ANO3: variants seen among roughly 807,000 people sequenced by gnomAD.
The protein encoded by ANO3 is anoctamin 3, also known as anoctamin-3.
In ANO3, 99 loss-of-function variants were observed where a neutral mutation model predicts 144.8. That is an observed-to-expected ratio of 0.68 (90% CI 0.58 to 0.81). ANO3 has a LOEUF of 0.81. Ranked by LOEUF, ANO3 falls within the 30% of genes least tolerant of loss-of-function variation. The pLI is 0.00. For synonymous variants in ANO3, 414 were observed against 392.6 expected (o/e 1.05, Z -0.64); for missense variants, 905 against 1,202.2 (o/e 0.75, Z 3.66).
intron 1 of ANO3, among the ~76,000 whole-genome samples, chr11:26,241,802 T>A (rs74720630): frequency 1.4e-3 from 217 of 152,328 alleles, no homozygotes; most frequent in African/African-American, 5.0e-3. Flanking sequence ...GAATCACGTA[T>A]CTGGGGTTAT....
At chr11:26,204,207 A>G (rs1426020268) in intron 1 of ANO3, among the ~76,000 whole-genome samples, 1 of 152,048 alleles carries the variant, frequency 6.6e-6, no homozygotes, top group Non-Finnish European at 1.5e-5. Context: ...AGAACTTGCA[A>G]TTCACACACA....
chr11:26,595,288 G>A (rs1236014805), intron 14 of ANO3, among the ~76,000 whole-genome samples: 2 of 151,976 alleles, frequency 1.3e-5, no homozygotes, highest in Non-Finnish European at 2.9e-5. Context: ...TTACCAGCAT[G>A]CCCAACATTG....
intron 1 of ANO3, among the ~76,000 whole-genome samples, chr11:26,351,149 C>G (rs1200312801): frequency 6.6e-6 from 1 of 152,016 alleles, no homozygotes; most frequent in Non-Finnish European, 1.5e-5. Flanking sequence ...TATTTGTTGT[C>G]TTAATTTTTG....
At chr11:26,244,550 A>G (rs61877705) in intron 1 of ANO3, among the ~76,000 whole-genome samples, 12 of 152,172 alleles carry the variant, frequency 7.9e-5, no homozygotes, top group South Asian at 4.1e-4. Context: ...GAGCAGAAAA[A>G]CCTGAGAACT....
chr11:26,642,724 C>G (rs7106245), intron 22 of ANO3, among the ~76,000 whole-genome samples: 57,399 of 151,866 alleles, frequency 0.38, 11,718 homozygotes, highest in South Asian at 0.49. Context: ...TCACAATAAA[C>G]CTTTGCACAG....
At chr11:26,378,876 A>T (rs1223093009) in intron 1 of ANO3, among the ~76,000 whole-genome samples, 3 of 147,814 alleles carry the variant, frequency 2.0e-5, no homozygotes, top group Admixed American at 2.0e-4. Flanking sequence ...GTATCATTAT[A>T]AGTCTTTAGG....
At chr11:26,521,609 T>A (rs552073471) in intron 6 of ANO3, among the ~76,000 whole-genome samples, 204 of 152,306 alleles carry the variant, frequency 1.3e-3, no homozygotes, top group African/African-American at 4.8e-3. Context: ...AGGTTTATAA[T>A]AGTCTACATT....
At chr11:26,224,893 G>A (rs185739793) in intron 1 of ANO3, among the ~76,000 whole-genome samples, 1 of 152,300 alleles carries the variant, frequency 6.6e-6, no homozygotes, top group East Asian at 1.9e-4. Context: ...CCAAGGCCAT[G>A]TGGGGATCTG....
intron 1 of ANO3, among the ~76,000 whole-genome samples, chr11:26,273,294 G>A (rs781500992): frequency 2.0e-5 from 3 of 147,114 alleles, no homozygotes; most frequent in Non-Finnish European, 4.4e-5. Flanking sequence ...GTTCAGCACC[G>A]AAGGCATCCA....
rs67196052 is a variant in ANO3, at chr11:26,208,512, C to CAAAAAAAAAA, written c.154+19188_154+19197dup. 2.5e-4 allele frequency among the ~76,000 whole-genome samples: 30 copies of CAAAAAAAAAA among 121,706 alleles called. No homozygotes were observed. In the East Asian group the frequency reaches 3.5e-3, roughly 14 times the overall value. 79.8% of individuals were successfully genotyped at this position (121,706 alleles called of 152,430 possible). A position where few individuals can be genotyped will look rare whatever the true frequency, so the allele number is the denominator to read the frequency against. Reference sequence around the variant, plus strand: ...TGGGTGACAGAGCAAGACTCCGTCTCAAAAAAAAAAAAAAAGGAATTGCAG... The same window carrying CAAAAAAAAAA: ...TGGGTGACAGAGCAAGACTCCGTCTCAAAAAAAAAAAAAAAAAAAAAAAAAGGAATTGCAG... On this transcript the variant is annotated intron_variant, in intron 1 of 27. Transcript: ENST00000672621.
intron 1 of ANO3, among the ~76,000 whole-genome samples, chr11:26,375,595 G>A (rs936602540): frequency 2.0e-5 from 3 of 152,054 alleles, no homozygotes; most frequent in Non-Finnish European, 4.4e-5. Context: ...ATTTTCTCCC[G>A]ATCTTCTGTA....
At chr11:26,641,627 T>C (rs949093005) in intron 21 of ANO3, among the ~76,000 whole-genome samples, 1 of 152,200 alleles carries the variant, frequency 6.6e-6, no homozygotes, top group African/African-American at 2.4e-5. Flanking sequence ...ATTATGTAGA[T>C]ATTTATAGGA....
intron 1 of ANO3, among the ~76,000 whole-genome samples, chr11:26,340,576 T>C (rs1445506041): frequency 1.3e-5 from 2 of 152,152 alleles, no homozygotes. Flanking sequence ...AGATGCACCC[T>C]AGGAGAGTCT....
At chr11:26,602,583 C>CT (rs1449443637) in intron 17 of ANO3, among the ~76,000 whole-genome samples, 1 of 68,130 alleles carries the variant, frequency 1.5e-5, no homozygotes, top group Non-Finnish European at 3.0e-5. Context: ...TTTTTCTTTT[C>CT]TTTTCTTTTT....
intron 14 of ANO3, among the ~76,000 whole-genome samples, chr11:26,576,221 G>A (rs916958538): frequency 3.9e-5 from 6 of 152,110 alleles, no homozygotes; most frequent in Admixed American, 3.9e-4. Flanking sequence ...TTGGATAATT[G>A]CCATCACGTT....
At chr11:26,511,641 G>A (rs986807748) in intron 5 of ANO3, among the ~76,000 whole-genome samples, 3 of 152,184 alleles carry the variant, frequency 2.0e-5, no homozygotes, top group African/African-American at 7.2e-5. Flanking sequence ...TGCAACAAGG[G>A]CAGTGGTATG....
At chr11:26,471,767 G>A (rs1439221465) in intron 4 of ANO3, among the ~76,000 whole-genome samples, 1 of 151,760 alleles carries the variant, frequency 6.6e-6, no homozygotes, top group Non-Finnish European at 1.5e-5. Context: ...AAGACTATAA[G>A]GGGAAAAAAA....
intron 1 of ANO3, among the ~76,000 whole-genome samples, chr11:26,243,773 C>T: frequency 6.6e-6 from 1 of 151,958 alleles, no homozygotes; most frequent in East Asian, 1.9e-4. Flanking sequence ...AATATCTGGC[C>T]ACATTCCAGA....
intron 1 of ANO3, among the ~76,000 whole-genome samples, chr11:26,401,860 C>T (rs1185725465): frequency 3.9e-5 from 6 of 152,000 alleles, no homozygotes; most frequent in Non-Finnish European, 5.9e-5. Flanking sequence ...TTAACCCAGA[C>T]GATTCCACAT....
Sources: allele counts gnomAD v4.1 joint callset (sites outside exome capture counted in the v4.1 genomes callset), GRCh38; gene constraint gnomAD v4.1.1; transcripts MANE v1.5; gene names NCBI Gene and HGNC (gene_info 2026-07-23, HGNC 2026-07-21).